Variants in CCDC85C observed in about 807,000 individuals in gnomAD.
CCDC85C encodes the protein coiled-coil domain containing 85C, also known as coiled-coil domain-containing protein 85C.
In CCDC85C, 18 loss-of-function variants were observed where a neutral mutation model predicts 38.3. The observed-to-expected ratio is 0.47, with a 90% CI of 0.33 to 0.70. The LOEUF (loss-of-function observed/expected upper bound fraction) is 0.70. Among genes scored for constraint, CCDC85C ranks in the 30% least tolerant of loss-of-function variants. The pLI, the probability that CCDC85C is intolerant of heterozygous loss-of-function variation, is 0.03. For missense variants in CCDC85C, 566 were observed against 621.2 expected (o/e 0.91, Z 0.94); for synonymous variants, 264 against 293.8 (o/e 0.90, Z 1.04).
In CCDC85C at chr14:99,603,532, TC is replaced by T; in HGVS notation, c.427del (p.Glu143SerfsTer44). The part of the protein sequence containing the change: ...RQEALLRENL[E>X]LKELVLLLDE... ...CAGCAGCAGCACCAGCTCCTTGAGC[TC>T]CAGGTTCTCGCGCAGCAGGGCCTCC... On this transcript the variant is annotated frameshift_variant, in exon 1 of 6. Transcript: ENST00000380243. LOFTEE classifies it high-confidence loss of function. The surrounding 1 kb of genome is among the most constrained non-coding windows in gnomAD (Gnocchi z 7.5). 7.3e-7 allele frequency: 1 copy of T among 1,378,702 alleles called. No individual in the cohort carries two copies. Among genetic ancestry groups the T allele is most frequent in the Non-Finnish European group, 9.3e-7 (1 of 1,073,176 alleles). 85.4% of individuals were successfully genotyped at this position (1,378,702 alleles called of 1,614,324 possible). A position where few individuals can be genotyped will look rare whatever the true frequency, so the allele number is the denominator to read the frequency against.
chr14:99,539,921 C>T (rs1239681865), intron 1 of CCDC85C, among the ~76,000 whole-genome samples: 2 of 151,952 alleles, frequency 1.3e-5, no homozygotes, highest in Non-Finnish European at 2.9e-5. Flanking sequence ...CCGAGGCGGG[C>T]GGATCACCTA....
At chr14:99,581,552 G>A (rs935069337) in intron 1 of CCDC85C, among the ~76,000 whole-genome samples, 5 of 152,210 alleles carry the variant, frequency 3.3e-5, no homozygotes, top group East Asian at 3.9e-4. Flanking sequence ...GGCCTGGGGC[G>A]TCCATGACCC....
At position 99,508,776 on chromosome 14, in the gene CCDC85C, G is replaced by C. The variant is rs1175487558; in HGVS notation, c.*6470C>G. 1 of 152,492 alleles carries C rather than the reference G, an allele frequency of 6.6e-6. No individual in the cohort carries two copies. Among genetic ancestry groups the C allele is most frequent in the Non-Finnish European group, 1.5e-5 (1 of 68,236 alleles). The allele number at this position is 152,492 out of a possible 1,614,324, so 9.4% of individuals were successfully genotyped here. ...ACAAGGGCAGGCACACTGGTGACTT[G>C]AAGATTCAGGCTACAGGGTCGAGTG... On this transcript the variant is annotated 3_prime_UTR_variant, in exon 6 of 6. Transcript: ENST00000380243.
At chr14:99,598,275 C>T (rs892394648) in intron 1 of CCDC85C, among the ~76,000 whole-genome samples, 3 of 152,254 alleles carry the variant, frequency 2.0e-5, no homozygotes, top group Non-Finnish European at 4.4e-5. Flanking sequence ...TAACAGACTT[C>T]CAATTCTCTG....
intron 2 of CCDC85C, among the ~76,000 whole-genome samples, chr14:99,525,173 C>T (rs1018608976): frequency 6.6e-6 from 1 of 152,212 alleles, no homozygotes; most frequent in Non-Finnish European, 1.5e-5. Context: ...AGGGCCTTCA[C>T]TGCAACACTG....
chr14:99,530,257 T>C (rs922436698), intron 2 of CCDC85C, among the ~76,000 whole-genome samples: 4 of 152,206 alleles, frequency 2.6e-5, no homozygotes, highest in Admixed American at 2.0e-4. Flanking sequence ...GTTTCCTCCC[T>C]GGGCAAGGGA....
chr14:99,522,580 G>C, intron 2 of CCDC85C: 1 of 207,978 alleles, frequency 4.8e-6, no homozygotes, highest in Non-Finnish European at 9.8e-6. Context: ...TGGCTCCTCC[G>C]CTCCAACTTC....
intron 1 of CCDC85C, among the ~76,000 whole-genome samples, chr14:99,549,996 G>A (rs960784290): frequency 1.3e-5 from 2 of 152,196 alleles, no homozygotes; most frequent in African/African-American, 2.4e-5. Flanking sequence ...ACTGGGTCAG[G>A]AGTCCCAGCC....
At position 99,520,081 on chromosome 14, in the gene CCDC85C, G is replaced by T. The variant is rs1897281450; in HGVS notation, c.975+2052C>A. 6.6e-6 allele frequency among the ~76,000 whole-genome samples: 1 copy of T among 152,200 alleles called. No individual in the cohort carries two copies. The highest frequency in any genetic ancestry group is 2.1e-4 in the South Asian group (1 of 4,836). On this transcript the variant is annotated intron_variant, in intron 3 of 5. Transcript: ENST00000380243. This position sits in a 1 kb window ranked among gnomAD's most constrained non-coding sequence, Gnocchi z 4.1. ...GACAGCCAGTGGATGGAGGGTATGG[G>T]CAGCAGTGGGCAGGGAGGGGGTGTC...
chr14:99,577,127 C>T (rs1007853032), intron 1 of CCDC85C, among the ~76,000 whole-genome samples: 2 of 151,952 alleles, frequency 1.3e-5, no homozygotes, highest in Non-Finnish European at 2.9e-5. Flanking sequence ...TCCCTGGGCT[C>T]GTCTCCTCTC....
rs555282245 is a variant in CCDC85C at position 99,516,167 on chromosome 14, C to G, written c.1170+21G>C. ...GCACTCCCAGTGCCAAGCCTCTGCC[C>G]CCCACCCCTGGAAGCCTCACGTTGC... On this transcript the variant is annotated intron_variant, in intron 5 of 5. Transcript: ENST00000380243. This position sits in a 1 kb window ranked among gnomAD's most constrained non-coding sequence, Gnocchi z 5.5. The G allele has an allele frequency of 6.5e-7, 1 of 1,543,912 alleles. No individual in the cohort carries two copies. The highest frequency in any genetic ancestry group is 1.2e-5 in the South Asian group (1 of 83,944).
intron 1 of CCDC85C, among the ~76,000 whole-genome samples, chr14:99,581,585 G>A (rs1566781755): frequency 6.6e-6 from 1 of 152,172 alleles, no homozygotes; most frequent in East Asian, 1.9e-4. Flanking sequence ...CCGCACAATC[G>A]CTCCCTTTGT....
At chr14:99,570,570 G>A (rs535272750) in intron 1 of CCDC85C, among the ~76,000 whole-genome samples, 1 of 152,284 alleles carries the variant, frequency 6.6e-6, no homozygotes, top group African/African-American at 2.4e-5. Flanking sequence ...GACAGGAGGA[G>A]AGGGTCATGG....
At chr14:99,596,648 G>C (rs1304274678) in intron 1 of CCDC85C, among the ~76,000 whole-genome samples, 1 of 152,208 alleles carries the variant, frequency 6.6e-6, no homozygotes, top group Non-Finnish European at 1.5e-5. Context: ...GCTTGCCTAG[G>C]GGAGGGGGAC....
Position 99,520,238 on chromosome 14 carries a change from C to T in CCDC85C, c.975+1895G>A, listed in dbSNP as rs1275505627. Among the ~76,000 whole-genome samples the T allele has an allele frequency of 6.6e-6, 1 of 152,148 alleles. No homozygotes were observed. Among genetic ancestry groups the T allele is most frequent in the Admixed American group, 6.5e-5 (1 of 15,284 alleles). ...CTGTGTGCCAGGCAGTGTCTGAGCC[C>T]GGAGACGGCCCTCTCTGGATAACCC... is the stretch of plus-strand genomic sequence containing the variant. On this transcript the variant is annotated intron_variant, in intron 3 of 5. Coordinates refer to ENST00000380243, the MANE Select transcript of CCDC85C (RefSeq NM_001144995.2). The surrounding 1 kb of genome is among the most constrained non-coding windows in gnomAD (Gnocchi z 4.1).
rs1031742021 is a variant in CCDC85C, at chr14:99,516,162, C to G, written c.1170+26G>C. ...TGGTCGCACTCCCAGTGCCAAGCCT[C>G]TGCCCCCCACCCCTGGAAGCCTCAC... On this transcript the variant is annotated intron_variant, in intron 5 of 5. Transcript: ENST00000380243. The surrounding 1 kb of genome is among the most constrained non-coding windows in gnomAD (Gnocchi z 5.5). 6.5e-7 allele frequency: 1 copy of G among 1,539,240 alleles called. No homozygotes were observed. Among genetic ancestry groups the G allele is most frequent in the South Asian group, 1.2e-5 (1 of 83,854 alleles).
At position 99,572,159 on chromosome 14, in the gene CCDC85C, C is replaced by T. The variant is rs747757456; in HGVS notation, c.793+31008G>A. On this transcript the variant is annotated intron_variant, in intron 1 of 5. Coordinates refer to ENST00000380243, the MANE Select transcript of CCDC85C (RefSeq NM_001144995.2). The surrounding 1 kb of genome is among the most constrained non-coding windows in gnomAD (Gnocchi z 4.4). ...CCTCCCAAGCCTGAGGGCTCAAATT[C>T]ACAGGGTGGTGGTCCCTAGAAAGAC... Among the ~76,000 whole-genome samples, 4 of 152,198 alleles carry T rather than the reference C, an allele frequency of 2.6e-5. No individual in the cohort carries two copies. The highest frequency in any genetic ancestry group is 5.9e-5 in the Non-Finnish European group (4 of 68,024).
At position 99,516,199 on chromosome 14, in the gene CCDC85C, C is replaced by T. The variant is rs1267017946; in HGVS notation, c.1159G>A (p.Glu387Lys). The change falls in exon 5 of 6, where the codon GAG (glutamate) becomes AAG (lysine). Residue 387 changes from glutamate to lysine, a missense_variant. By Grantham distance (56) the Glu-to-Lys change is moderately conservative. Coordinates refer to ENST00000380243, the MANE Select transcript of CCDC85C (RefSeq NM_001144995.2). This position sits in a 1 kb window ranked among gnomAD's most constrained non-coding sequence, Gnocchi z 5.5. ...LSEKEKAIVR[E>K]MCNVVWRKLG... is the part of the protein sequence containing the mutation. Reference sequence around the variant, plus strand: ...CCTGGAAGCCTCACGTTGCACATCTCGCGAACGATGGCCTTCTCCTTCTCA... The same window carrying T: ...CCTGGAAGCCTCACGTTGCACATCTTGCGAACGATGGCCTTCTCCTTCTCA... 4 of 1,551,216 alleles carry T rather than the reference C, an allele frequency of 2.6e-6. No homozygotes were observed. Among genetic ancestry groups the T allele is most frequent in the East Asian group, 2.4e-5 (1 of 40,906 alleles).
At chr14:99,573,222 C>T (rs923855285) in intron 1 of CCDC85C, among the ~76,000 whole-genome samples, 1 of 152,198 alleles carries the variant, frequency 6.6e-6, no homozygotes, top group Non-Finnish European at 1.5e-5. Flanking sequence ...CTAGAGCGAA[C>T]AGGACCTCCA....
Sources: allele counts gnomAD v4.1 joint callset (sites outside exome capture counted in the v4.1 genomes callset), GRCh38; gene constraint gnomAD v4.1.1; non-coding constraint Gnocchi (gnomAD v3.1); transcripts MANE v1.5; gene names NCBI Gene and HGNC (gene_info 2026-07-23, HGNC 2026-07-21).